The following DLG2 variants were observed in gnomAD, a reference collection of about 807,000 sequenced individuals.
DLG2 encodes the protein discs large MAGUK scaffold protein 2.
DLG2 carries 45 observed loss-of-function variants against 132.5 expected under a neutral mutation model. That is an observed-to-expected ratio of 0.34 (90% confidence interval 0.27 to 0.44). The LOEUF (loss-of-function observed/expected upper bound fraction) is 0.44. Ranked by LOEUF, DLG2 falls within the 20% of genes least tolerant of loss-of-function variation. The pLI is 1.00. For synonymous variants in DLG2, 424 were observed against 419.6 expected, an observed-to-expected ratio of 1.01 and a Z score of -0.13; for missense variants, 1,045 against 1,196.9, an observed-to-expected ratio of 0.87 and a Z score of 1.87.
intron 6 of DLG2, among the ~76,000 whole-genome samples, chr11:84,810,896 A>G (rs1244772393): frequency 6.6e-6 from 1 of 152,180 alleles, no homozygotes; most frequent in Non-Finnish European, 1.5e-5. Context: ...GAAATGGAGA[A>G]CAGATCAGTG....
chr11:83,864,477 C>A (rs1009210096), intron 16 of DLG2, among the ~76,000 whole-genome samples: 1 of 152,146 alleles, frequency 6.6e-6, no homozygotes, highest in African/African-American at 2.4e-5. Flanking sequence ...ATAAATGGTG[C>A]TTGTCCCCTG....
At chr11:83,874,152 AAGAAAGAAAGAT>A (rs1171791354) in intron 16 of DLG2, among the ~76,000 whole-genome samples, 5 of 135,710 alleles carry the variant, frequency 3.7e-5, no homozygotes, top group Non-Finnish European at 7.9e-5. Flanking sequence ...TAGGGAAGGA[AAGAAAGAAAGAT>A]AGAAAGAGAA....
intron 4 of DLG2, among the ~76,000 whole-genome samples, chr11:85,259,632 C>A (rs56306275): frequency 0.071 from 10,754 of 151,626 alleles, 634 homozygotes; most frequent in African/African-American, 0.16. Context: ...GGTCCCAGCT[C>A]TTCTGCTTGC....
Position 85,177,278 on chromosome 11 carries a change from TATAC to T in DLG2, c.187-22631_187-22628del, listed in dbSNP as rs1444687494. On this transcript the variant is annotated intron_variant, in intron 4 of 27. Coordinates refer to ENST00000376104, the MANE Select transcript of DLG2 (RefSeq NM_001142699.3). ...GTATATGTATTTATATATATATATA[TATAC>T]ATATACACACACACACACACACACA... Among the ~76,000 whole-genome samples, 851 of 138,948 alleles carry T rather than the reference TATAC, an allele frequency of 6.1e-3. 11 individuals are homozygous for T. Among genetic ancestry groups the T allele is most frequent in the African/African-American group, 0.023 (790 of 34,954 alleles). The allele number at this position is 138,948 out of a possible 152,430, so 91.2% of individuals were successfully genotyped here.
intron 6 of DLG2, among the ~76,000 whole-genome samples, chr11:84,571,028 C>A (rs1320436302): frequency 6.6e-6 from 1 of 152,098 alleles, no homozygotes; most frequent in Non-Finnish European, 1.5e-5. Flanking sequence ...TGAGATGAGT[C>A]TACACACATT....
At chr11:83,566,280 G>C (rs2096708028) in intron 19 of DLG2, among the ~76,000 whole-genome samples, 2 of 152,148 alleles carry the variant, frequency 1.3e-5, no homozygotes, top group African/African-American at 4.8e-5. Context: ...TTTCCTAATA[G>C]GTCAGCAACT....
At chr11:84,427,700 T>G (rs900766741) in intron 7 of DLG2, among the ~76,000 whole-genome samples, 2 of 152,018 alleles carry the variant, frequency 1.3e-5, no homozygotes, top group African/African-American at 4.8e-5. Flanking sequence ...CCCAATATAC[T>G]TTTTTTCCTT....
intron 3 of DLG2, among the ~76,000 whole-genome samples, chr11:85,450,125 G>A (rs186712024): frequency 2.3e-4 from 35 of 151,894 alleles, no homozygotes; most frequent in East Asian, 9.7e-4. Flanking sequence ...GTGAAACTCC[G>A]TTTTAAAAAA....
chr11:85,151,935 A>G (rs1566940431), intron 5 of DLG2, among the ~76,000 whole-genome samples: 1 of 152,214 alleles, frequency 6.6e-6, no homozygotes, highest in South Asian at 2.1e-4. Context: ...TATAGAGACA[A>G]AGGGATTCTC....
intron 7 of DLG2, among the ~76,000 whole-genome samples, chr11:84,337,952 G>T (rs1300147882): frequency 6.6e-6 from 1 of 152,156 alleles, no homozygotes; most frequent in Non-Finnish European, 1.5e-5. Context: ...GCTTGTCATG[G>T]ATGGAAGACA....
chr11:85,035,869 G>A (rs2061395775), intron 6 of DLG2, among the ~76,000 whole-genome samples: 1 of 152,122 alleles, frequency 6.6e-6, no homozygotes, highest in African/African-American at 2.4e-5. Flanking sequence ...CATCCGTCAT[G>A]CATATTTGGC....
intron 7 of DLG2, among the ~76,000 whole-genome samples, chr11:84,496,434 T>A (rs1458862155): frequency 6.6e-6 from 1 of 152,280 alleles, no homozygotes; most frequent in East Asian, 1.9e-4. Flanking sequence ...ATGAATGGAC[T>A]ACAGATAGAT....
At chr11:83,832,325 A>T (rs770254368) in intron 17 of DLG2, among the ~76,000 whole-genome samples, 20 of 152,208 alleles carry the variant, frequency 1.3e-4, no homozygotes, top group Non-Finnish European at 2.5e-4. Context: ...TATGGCATAG[A>T]TTGTGGTGAT....
At chr11:85,225,425 A>G (rs2074916415) in intron 4 of DLG2, among the ~76,000 whole-genome samples, 1 of 152,024 alleles carries the variant, frequency 6.6e-6, no homozygotes, top group African/African-American at 2.4e-5. Context: ...TTCCTTCTCC[A>G]GCTTCTATCT....
chr11:83,687,480 A>G (rs908979651), intron 18 of DLG2, among the ~76,000 whole-genome samples: 18 of 152,274 alleles, frequency 1.2e-4, no homozygotes, highest in African/African-American at 4.3e-4. Context: ...AGGAAGTAGG[A>G]TGCAGTGATT....
At chr11:84,310,152 A>G (rs2098272121) in intron 7 of DLG2, among the ~76,000 whole-genome samples, 1 of 152,160 alleles carries the variant, frequency 6.6e-6, no homozygotes, top group Non-Finnish European at 1.5e-5. Context: ...CATTAAGGAA[A>G]TTTCTGTTAA....
rs34643624 is a variant in DLG2 at position 85,430,848 on chromosome 11, CAAAA to C, written c.41-145487_41-145484del. ...TTTTCTAATGGAAAAGCTAGCCAGT[CAAAA>C]AAAAAAAAAAAAATACAGCTGAGGC... On this transcript the variant is annotated intron_variant, in intron 3 of 27. Coordinates refer to ENST00000376104, the MANE Select transcript of DLG2 (RefSeq NM_001142699.3). Among the ~76,000 whole-genome samples, 248 of 131,070 alleles carry C rather than the reference CAAAA, an allele frequency of 1.9e-3. 1 individual carries two copies. Among genetic ancestry groups the C allele is most frequent in the African/African-American group, 6.7e-3 (239 of 35,732 alleles). The allele number at this position is 131,070 out of a possible 152,430, so 86.0% of individuals were successfully genotyped here.
chr11:84,626,582 G>A (rs1446600345), intron 6 of DLG2, among the ~76,000 whole-genome samples: 2 of 152,030 alleles, frequency 1.3e-5, no homozygotes, highest in South Asian at 2.1e-4. Context: ...GAAACTCAGA[G>A]GGAAAAAAAG....
intron 21 of DLG2, among the ~76,000 whole-genome samples, chr11:83,507,439 T>G (rs1410370102): frequency 6.9e-6 from 1 of 145,064 alleles, no homozygotes; most frequent in African/African-American, 2.5e-5. Flanking sequence ...CCTATATATA[T>G]ATCTGTATAT....
Sources: allele counts gnomAD v4.1 joint callset (sites outside exome capture counted in the v4.1 genomes callset), GRCh38; gene constraint gnomAD v4.1.1; transcripts MANE v1.5; gene names NCBI Gene and HGNC (gene_info 2026-07-23, HGNC 2026-07-21).